The following SLC35C1 variants were observed in gnomAD, a reference collection of about 807,000 sequenced individuals.
SLC35C1 encodes solute carrier family 35 member C1, also known as GDP-fucose transporter 1.
In SLC35C1, 8 loss-of-function variants were observed where a neutral mutation model predicts 23.2. The observed-to-expected ratio is 0.35, with a 90% CI of 0.20 to 0.62. The LOEUF (loss-of-function observed/expected upper bound fraction) is 0.62, where lower values mean the gene tolerates loss of function less well. SLC35C1 is among the 20% of genes least tolerant of loss of function. SLC35C1 has a pLI of 0.75. For synonymous variants in SLC35C1, 226 were observed against 225.1 expected (o/e 1.00, Z -0.04); for missense variants, 422 against 478.6 (o/e 0.88, Z 1.10).
chr11:45,811,528 CAGTGTTTACA>C lies in SLC35C1; in HGVS notation c.*197_*206del. ...AGTAATATCAGAAAGTTGAAGGAAC[CAGTGTTTACA>C]AGTAATACCAGAAAGTTGCCAAACC... is the stretch of plus-strand genomic sequence containing the variant. On this transcript the variant is annotated 3_prime_UTR_variant, in exon 2 of 2. Coordinates refer to ENST00000314134, the MANE Select transcript of SLC35C1 (RefSeq NM_018389.5). The C allele has an allele frequency of 2.0e-6, 1 of 505,574 alleles. No homozygotes were observed. The highest frequency in any genetic ancestry group is 3.4e-6 in the Non-Finnish European group (1 of 291,512). 31.3% of individuals were successfully genotyped at this position (505,574 alleles called of 1,614,324 possible).
chr11:45,810,622 C>T (rs1010915997), intron 1 of SLC35C1, 154 bp from the exon 2 acceptor site: 3 of 985,366 alleles, frequency 3.0e-6, no homozygotes, highest in African/African-American at 1.7e-5. Flanking sequence ...GCAGTGGAGA[C>T]TCTGGCTGTG....
chr11:45,811,614 C>G lies in SLC35C1; in HGVS notation c.*279C>G. Reference sequence around the variant, plus strand: ...GTTTTTGTCCTTCCCGAGGGAGCACCCTAGTGAGAGTTGAACCCCTTCCTT... The same window carrying G: ...GTTTTTGTCCTTCCCGAGGGAGCACGCTAGTGAGAGTTGAACCCCTTCCTT... On this transcript the variant is annotated 3_prime_UTR_variant, in exon 2 of 2. Coordinates refer to ENST00000314134, the MANE Select transcript of SLC35C1 (RefSeq NM_018389.5). 3 of 376,658 alleles carry G rather than the reference C, an allele frequency of 8.0e-6. No individual in the cohort carries two copies. Among genetic ancestry groups the G allele is most frequent in the East Asian group, 4.2e-5 (1 of 24,078 alleles). 23.3% of individuals were successfully genotyped at this position (376,658 alleles called of 1,614,324 possible).
chr11:45,809,819 G>C, intron 1 of SLC35C1: 1 of 985,462 alleles, frequency 1.0e-6, no homozygotes, highest in African/African-American at 1.7e-5. Context: ...CCTGGCTTCT[G>C]GGAGCATGGG....
Position 45,810,934 on chromosome 11 carries a change from T to G in SLC35C1, c.694T>G (p.Phe232Val), listed in dbSNP as rs1188566809. ...AVDGSIWRLTFYNNVNACILF... is the reference protein window; with the variant it reads ...AVDGSIWRLTVYNNVNACILF... The stretch of plus-strand genomic sequence containing the variant: ...GGACGGCAGCATCTGGCGCCTGACT[T>G]TCTACAACAACGTCAACGCCTGCAT... The change falls in exon 2 of 2, where the codon TTC becomes GTC. Residue 232 changes from phenylalanine (F) to valine (V), a missense_variant. Phe to Val is a conservative substitution (Grantham distance 50). Transcript: ENST00000314134. 1 of 1,612,662 alleles carries G rather than the reference T, an allele frequency of 6.2e-7. No individual in the cohort carries two copies. The highest frequency in any genetic ancestry group is 8.5e-7 in the Non-Finnish European group (1 of 1,180,014).
rs1008797315 is a variant in SLC35C1, at chr11:45,812,694, C to A, written c.*1359C>A. 1 of 455,250 alleles carries A rather than the reference C, an allele frequency of 2.2e-6. No individual in the cohort carries two copies. Among genetic ancestry groups the A allele is most frequent in the African/African-American group, 2.0e-5 (1 of 50,026 alleles). The allele number at this position is 455,250 out of a possible 1,614,324, so 28.2% of individuals were successfully genotyped here. On this transcript the variant is annotated 3_prime_UTR_variant, in exon 2 of 2. Coordinates refer to ENST00000314134, the MANE Select transcript of SLC35C1 (RefSeq NM_018389.5). The stretch of plus-strand genomic sequence containing the variant: ...GCTCCAAAGGCCCCACCTCCTAATA[C>A]TGTCACCTTGGGGGTGAGAATTCCA...
Position 45,812,708 on chromosome 11 carries a change from G to T in SLC35C1, c.*1373G>T. Reference sequence around the variant, plus strand: ...ACCTCCTAATACTGTCACCTTGGGGGTGAGAATTCCAATGTGAATTTGCAG... The same window carrying T: ...ACCTCCTAATACTGTCACCTTGGGGTTGAGAATTCCAATGTGAATTTGCAG... On this transcript the variant is annotated 3_prime_UTR_variant, in exon 2 of 2. Coordinates refer to ENST00000314134, the MANE Select transcript of SLC35C1 (RefSeq NM_018389.5). The T allele has an allele frequency of 4.4e-6, 2 of 452,316 alleles. No individual in the cohort carries two copies. The highest frequency in any genetic ancestry group is 1.6e-5 in the South Asian group (1 of 64,490). 28.0% of individuals were successfully genotyped at this position (452,316 alleles called of 1,614,324 possible). A position where few individuals can be genotyped will look rare whatever the true frequency, so the allele number is the denominator to read the frequency against.
Position 45,812,532 on chromosome 11 carries a change from G to T in SLC35C1, c.*1197G>T, listed in dbSNP as rs537544839. On this transcript the variant is annotated 3_prime_UTR_variant, in exon 2 of 2. Coordinates refer to ENST00000314134, the MANE Select transcript of SLC35C1 (RefSeq NM_018389.5). ...GCCAGCAGATTCGGACTCCGCTGAG[G>T]GCTGTTTCCCGATCCATAGATGGTG... 1.1e-5 allele frequency: 5 copies of T among 456,034 alleles called. No homozygotes were observed. Among genetic ancestry groups the T allele is most frequent in the Non-Finnish European group, 2.2e-5 (5 of 226,768 alleles). The allele number at this position is 456,034 out of a possible 1,614,324, so 28.2% of individuals were successfully genotyped here.
At position 45,812,144 on chromosome 11, in the gene SLC35C1, C is replaced by A. The variant is rs1445323682; in HGVS notation, c.*809C>A. On this transcript the variant is annotated 3_prime_UTR_variant, in exon 2 of 2. Transcript: ENST00000314134. ...CCCAGCACCTGGCCCAGGTAACAGC[C>A]TTCTGAAAGCAGAGCCAAGGAGCTG... 1 of 190,372 alleles carries A rather than the reference C, an allele frequency of 5.3e-6. No individual in the cohort carries two copies. Among genetic ancestry groups the A allele is most frequent in the Non-Finnish European group, 1.1e-5 (1 of 89,084 alleles). The allele number at this position is 190,372 out of a possible 1,614,324, so 11.8% of individuals were successfully genotyped here. A position where few individuals can be genotyped will look rare whatever the true frequency, so the allele number is the denominator to read the frequency against.
rs911209464 is a variant in SLC35C1 at position 45,811,327 on chromosome 11, G to C, written c.1087G>C (p.Gly363Arg). Residue 363 changes from glycine to arginine, a missense_variant, in exon 2 of 2, where the codon GGG (glycine) becomes CGG (arginine). By Grantham distance (125) the Gly-to-Arg change is moderately radical (BLOSUM62 -2). Coordinates refer to ENST00000314134, the MANE Select transcript of SLC35C1 (RefSeq NM_018389.5). ...SPKDSEKSAM[G>R]V ...CAAAGACAGCGAGAAGAGCGCCATG[G>C]GGGTGTGAGCACCACAGGCACCCTG... is the stretch of plus-strand genomic sequence containing the variant. The C allele has an allele frequency of 2.0e-6, 3 of 1,519,468 alleles. No individual in the cohort carries two copies. The highest frequency in any genetic ancestry group is 2.8e-5 in the African/African-American group (2 of 72,426). The allele number at this position is 1,519,468 out of a possible 1,614,324, so 94.1% of individuals were successfully genotyped here. A position where few individuals can be genotyped will look rare whatever the true frequency, so the allele number is the denominator to read the frequency against.
chr11:45,805,141 G>A (rs1201826537), upstream of SLC35C1: 1 of 986,432 alleles, frequency 1.0e-6, no homozygotes, highest in Non-Finnish European at 1.2e-6. Flanking sequence ...GCCTCCCGGG[G>A]AGTCGGCCTC....
intron 1 of SLC35C1, 122 bp from the exon 2 acceptor site, chr11:45,810,654 G>T: frequency 6.9e-7 from 1 of 1,456,842 alleles, no homozygotes; most frequent in Non-Finnish European, 9.0e-7. Flanking sequence ...GAGGCCTGGG[G>T]AGGAACGGGG....
Position 45,806,110 on chromosome 11 carries a change from C to T in SLC35C1, c.309C>T (p.Asp103=), listed in dbSNP as rs189405956. The T allele has an allele frequency of 1.7e-5, 28 of 1,609,934 alleles. No individual in the cohort carries two copies. The East Asian group carries it at 6.2e-4, about 36-fold the overall frequency. Residue 103 remains aspartate, a synonymous_variant, in exon 1 of 2, where the codon GAC becomes GAT. Coordinates refer to ENST00000314134, the MANE Select transcript of SLC35C1 (RefSeq NM_018389.5). ...ALAACCPGAV[D]FPSLRLDLRV... ...CCGCCTGCTGCCCTGGTGCCGTGGA[C>T]TTCCCCAGCTTGCGCCTGGACCTCA...
At chr11:45,809,798 A>G in intron 1 of SLC35C1, 1 of 985,434 alleles carries the variant, frequency 1.0e-6, no homozygotes, top group Non-Finnish European at 1.2e-6. Flanking sequence ...TATAACATGC[A>G]TTGTTCAGCC....
rs141379070 is a variant in SLC35C1 at position 45,806,323 on chromosome 11, C to T, written c.522C>T (p.Cys174=). 2.7e-3 allele frequency: 4,321 copies of T among 1,612,664 alleles called. 14 individuals carry two copies. Among genetic ancestry groups the T allele is most frequent in the Non-Finnish European group, 2.6e-3 (3,091 of 1,179,980 alleles). The change falls in exon 1 of 2, where the codon TGC becomes TGT. Residue 174 remains cysteine, a synonymous_variant. Coordinates refer to ENST00000314134, the MANE Select transcript of SLC35C1 (RefSeq NM_018389.5). ...QTTSFYALLT[C]GIIIGGFWLG... ...CCTCCTTCTATGCCCTGCTCACCTG[C>T]GGTATCATCATCGGTGAGTGGCAGC...
In SLC35C1 at chr11:45,810,626, G is replaced by T; in HGVS notation, c.536-150G>T. The T allele has an allele frequency of 3.5e-6, 5 of 1,441,206 alleles. No individual in the cohort carries two copies. The East Asian group carries it at 7.5e-5, about 22-fold the overall frequency. 89.3% of individuals were successfully genotyped at this position (1,441,206 alleles called of 1,614,324 possible). On this transcript the variant is annotated intron_variant, in intron 1 of 1. Transcript: ENST00000314134. Reference sequence around the variant, plus strand: ...GTGCTTTGCCTGCAGTGGAGACTCTGGCTGTGCTTATTGGAGGGAGGCCTG... The same window carrying T: ...GTGCTTTGCCTGCAGTGGAGACTCTTGCTGTGCTTATTGGAGGGAGGCCTG...
In SLC35C1 at chr11:45,805,956, C is replaced by A. The variant is rs1236722783; in HGVS notation, c.155C>A (p.Ser52Tyr). The change falls in exon 1 of 2, where the codon TCC becomes TAC. Residue 52 changes from serine to tyrosine, a missense_variant. Ser to Tyr is a moderately radical substitution (Grantham distance 144, BLOSUM62 -2). Coordinates refer to ENST00000314134, the MANE Select transcript of SLC35C1 (RefSeq NM_018389.5). ...ALVVSLYWVT[S>Y]ISMVFLNKYL... ...GTGGTCTCCCTCTACTGGGTCACCTCCATCTCCATGGTGTTCCTTAATAAG... is the reference window on the plus strand; with the variant it reads ...GTGGTCTCCCTCTACTGGGTCACCTACATCTCCATGGTGTTCCTTAATAAG... 6.2e-7 allele frequency: 1 copy of A among 1,614,198 alleles called. No individual in the cohort carries two copies. The highest frequency in any genetic ancestry group is 2.2e-5 in the East Asian group (1 of 44,874).
intron 1 of SLC35C1, chr11:45,810,366 C>T: frequency 1.1e-5 from 11 of 985,440 alleles, no homozygotes; most frequent in Non-Finnish European, 1.3e-5. Flanking sequence ...CTAAGTGGCA[C>T]TCATTCTTCA....
chr11:45,804,601 G>C (rs1351837226), upstream of SLC35C1: 1 of 985,716 alleles, frequency 1.0e-6, no homozygotes, highest in Non-Finnish European at 1.2e-6. Flanking sequence ...AGGACAAACT[G>C]AAGTCCGAGA....
In SLC35C1 at chr11:45,812,476, C is replaced by G; in HGVS notation, c.*1141C>G. 1 of 451,936 alleles carries G rather than the reference C, an allele frequency of 2.2e-6. No homozygotes were observed. The highest frequency in any genetic ancestry group is 4.5e-6 in the Non-Finnish European group (1 of 224,518). The allele number at this position is 451,936 out of a possible 1,614,324, so 28.0% of individuals were successfully genotyped here. The stretch of plus-strand genomic sequence containing the variant: ...ACAACAGAAACGTATTGCTCACAGT[C>G]CTGGGGGGCTGGGACGCCCAAGATC... On this transcript the variant is annotated 3_prime_UTR_variant, in exon 2 of 2. Transcript: ENST00000314134.
Sources: allele counts gnomAD v4.1 joint callset, GRCh38; gene constraint gnomAD v4.1.1; transcripts MANE v1.5; gene names NCBI Gene and HGNC (gene_info 2026-07-23, HGNC 2026-07-21).